The following ZBTB7C variants were observed in gnomAD, a reference collection of about 807,000 sequenced individuals.
ZBTB7C encodes zinc finger and BTB domain containing 7C, also known as zinc finger and BTB domain-containing protein 7C.
A neutral mutation model predicts 25.7 loss-of-function variants in ZBTB7C; 8 were observed. That is an observed-to-expected ratio of 0.31 (90% CI 0.18 to 0.56). The LOEUF (loss-of-function observed/expected upper bound fraction) is 0.56, where lower values mean the gene tolerates loss of function less well. ZBTB7C is among the 20% of genes least tolerant of loss of function. ZBTB7C has a pLI of 0.91. For missense variants in ZBTB7C, 824 were observed against 855.2 expected, an observed-to-expected ratio of 0.96 and a Z score of 0.46; for synonymous variants, 394 against 369.0, an observed-to-expected ratio of 1.07 and a Z score of -0.78.
At chr18:48,257,389 A>G (rs1322834194) in intron 2 of ZBTB7C, among the ~76,000 whole-genome samples, 2 of 152,166 alleles carry the variant, frequency 1.3e-5, no homozygotes, top group African/African-American at 2.4e-5. Context: ...AAAGCCATAT[A>G]TCTATTAAGG....
chr18:48,132,368 G>C (rs1415312638), intron 3 of ZBTB7C, among the ~76,000 whole-genome samples: 1 of 152,184 alleles, frequency 6.6e-6, no homozygotes, highest in Non-Finnish European at 1.5e-5. Context: ...TCCAGAATAG[G>C]CAGATCTATA....
Position 48,029,845 on chromosome 18 carries a change from G to A in ZBTB7C, c.1275C>T (p.Cys425=). 6.2e-7 allele frequency: 1 copy of A among 1,610,670 alleles called. No homozygotes were observed. Residue 425 remains cysteine, a synonymous_variant, in exon 5 of 5, where the codon TGC becomes TGT. Transcript: ENST00000590800. The stretch of plus-strand genomic sequence containing the variant: ...CGTAGTTGTGCACGAACTTGGCGTT[G>A]CAGTGGATGCACAGGTAGGGCCGCT... ...TGERPYLCIH[C]NAKFVHNYDL... is the part of the protein sequence containing the mutation.
intron 2 of ZBTB7C, among the ~76,000 whole-genome samples, chr18:48,265,998 G>A (rs546646233): frequency 2.2e-4 from 34 of 152,212 alleles, no homozygotes; most frequent in Admixed American, 3.9e-4. Context: ...GAATGTTCTC[G>A]TTTATAGGAA....
intron 3 of ZBTB7C, among the ~76,000 whole-genome samples, chr18:48,106,270 A>G (rs2039023226): frequency 6.6e-6 from 1 of 152,078 alleles, no homozygotes; most frequent in Non-Finnish European, 1.5e-5. Flanking sequence ...GCCCCTGACA[A>G]GCTCCTTCAG....
intron 4 of ZBTB7C, among the ~76,000 whole-genome samples, chr18:48,032,099 G>A (rs897187508): frequency 1.3e-5 from 2 of 151,942 alleles, no homozygotes; most frequent in African/African-American, 4.8e-5. Flanking sequence ...CAACCTATGA[G>A]GTAGGTTTTT....
intron 1 of ZBTB7C, among the ~76,000 whole-genome samples, chr18:48,377,144 A>T (rs2047539051): frequency 6.6e-6 from 1 of 152,156 alleles, no homozygotes; most frequent in Non-Finnish European, 1.5e-5. Context: ...ATGCTCTGGC[A>T]ACCCCACTCC....
At chr18:48,136,646 C>A (rs182120008) in intron 3 of ZBTB7C, among the ~76,000 whole-genome samples, 195 of 152,344 alleles carry the variant, frequency 1.3e-3, no homozygotes, top group African/African-American at 4.5e-3. Flanking sequence ...GCTGGCCCCT[C>A]GCCCCAAAGG....
chr18:48,375,563 G>A (rs1295216555), intron 1 of ZBTB7C: 1 of 152,192 alleles, frequency 6.6e-6, no homozygotes, highest in Non-Finnish European at 1.5e-5. Flanking sequence ...GCAGCTTCTG[G>A]ATGTAGTTCT....
chr18:48,363,599 T>C (rs917162659), intron 1 of ZBTB7C, among the ~76,000 whole-genome samples: 2 of 152,116 alleles, frequency 1.3e-5, no homozygotes, highest in African/African-American at 4.8e-5. Flanking sequence ...ATAAAATGAA[T>C]CCTGTGACTG....
rs749315698 is a variant in ZBTB7C, at chr18:48,040,655, CTCA to C, written c.450_452del (p.Asp150del). On this transcript the variant is annotated inframe_deletion, in exon 4 of 5. Coordinates refer to ENST00000590800, the MANE Select transcript of ZBTB7C (RefSeq NM_001318841.2). ...CTTCCTCCTCCTCCTCTTCGTCCTC[CTCA>C]TCATCATCATCTTCGTCGTCGTCAT... 9.0e-5 allele frequency: 145 copies of C among 1,613,578 alleles called. No homozygotes were observed. Among genetic ancestry groups the C allele is most frequent in the Middle Eastern group, 5.0e-4 (3 of 6,038 alleles).
intron 3 of ZBTB7C, among the ~76,000 whole-genome samples, chr18:48,172,221 C>T (rs767552236): frequency 2.0e-5 from 3 of 152,140 alleles, no homozygotes; most frequent in Non-Finnish European, 4.4e-5. Context: ...AGGCTAAGGA[C>T]GCATTGAGGA....
intron 3 of ZBTB7C, among the ~76,000 whole-genome samples, chr18:48,110,832 G>A (rs556151196): frequency 4.6e-5 from 7 of 152,254 alleles, no homozygotes; most frequent in Admixed American, 1.3e-4. Context: ...AGGATGAGGC[G>A]GTGACTGGAA....
chr18:48,380,521 T>A (rs2047612219), intron 1 of ZBTB7C, among the ~76,000 whole-genome samples: 1 of 152,170 alleles, frequency 6.6e-6, no homozygotes. Context: ...CAGACATACA[T>A]ATGTACAGTG....
intron 1 of ZBTB7C, among the ~76,000 whole-genome samples, chr18:48,343,381 G>C (rs891761988): frequency 7.9e-4 from 120 of 152,234 alleles, no homozygotes; most frequent in African/African-American, 2.7e-3. Flanking sequence ...GCAAATTCCT[G>C]CCTCATCTAT....
In ZBTB7C at chr18:48,284,128, C is replaced by A. The variant is rs370889407; in HGVS notation, c.-79+54046G>T. Among the ~76,000 whole-genome samples the A allele has an allele frequency of 2.6e-5, 4 of 151,788 alleles. No homozygotes were observed. The East Asian group carries it at 5.8e-4, about 22-fold the overall frequency. On this transcript the variant is annotated intron_variant, in intron 2 of 4. Coordinates refer to ENST00000590800, the MANE Select transcript of ZBTB7C (RefSeq NM_001318841.2). ...CACCACTGCACTTCAGCCTGGGCAA[C>A]AAAGAGAGACTCTGTCTCAAAAAAA...
rs1167897042 is a variant in ZBTB7C, at chr18:48,337,685, TCAC to T, written c.-79+486_-79+488del. ...GTTTTTAACAAGCAGGACTCATCCA[TCAC>T]CACACCTGTCATTTGACATATCTGA... On this transcript the variant is annotated intron_variant, in intron 2 of 4. Transcript: ENST00000590800. Among the ~76,000 whole-genome samples the T allele has an allele frequency of 7.4e-4, 113 of 152,234 alleles. 1 individual carries two copies. Among genetic ancestry groups the T allele is most frequent in the East Asian group, 5.8e-4 (3 of 5,202 alleles).
At chr18:48,144,545 T>C (rs1479415344) in intron 3 of ZBTB7C, among the ~76,000 whole-genome samples, 2 of 152,010 alleles carry the variant, frequency 1.3e-5, no homozygotes, top group Non-Finnish European at 2.9e-5. Flanking sequence ...AGGGTTTTGT[T>C]ATGTTACCCA....
chr18:48,045,712 T>C (rs2036441801), intron 3 of ZBTB7C, among the ~76,000 whole-genome samples: 1 of 152,192 alleles, frequency 6.6e-6, no homozygotes, highest in Non-Finnish European at 1.5e-5. Context: ...TCTCCAGCCT[T>C]CGGTCTCCTG....
At chr18:48,141,124 A>C (rs2040329895) in intron 3 of ZBTB7C, among the ~76,000 whole-genome samples, 1 of 146,654 alleles carries the variant, frequency 6.8e-6, no homozygotes. Flanking sequence ...CTGCAATCAC[A>C]GATAGGCATC....
Sources: gnomAD v4.1 joint callset for allele counts (sites outside exome capture counted in the v4.1 genomes callset) on GRCh38, gnomAD v4.1.1 for gene constraint, MANE v1.5 for transcripts, NCBI Gene and HGNC (gene_info 2026-07-23, HGNC 2026-07-21) for gene names.